ATG5: variants seen among roughly 807,000 people sequenced by gnomAD.
ATG5 encodes the protein autophagy protein 5.
In ATG5, 14 loss-of-function variants were observed where a neutral mutation model predicts 36.5. The observed-to-expected ratio is 0.38, with a 90% confidence interval of 0.25 to 0.60. The LOEUF (loss-of-function observed/expected upper bound fraction) is 0.60. ATG5 is among the 20% of genes least tolerant of loss of function. The pLI is 0.60. For synonymous variants in ATG5, 95 were observed against 101.5 expected (o/e 0.94, Z 0.38); for missense variants, 195 against 326.7 (o/e 0.60, Z 3.11).
intron 3 of ATG5, among the ~76,000 whole-genome samples, chr6:106,300,340 T>C (rs1770154272): frequency 6.6e-6 from 1 of 152,162 alleles, no homozygotes. Context: ...CAGAAGAATC[T>C]GTTAGCATTT....
chr6:106,193,969 TC>T (rs1776073897), intron 7 of ATG5, among the ~76,000 whole-genome samples: 1 of 152,208 alleles, frequency 6.6e-6, no homozygotes, highest in Non-Finnish European at 1.5e-5. Context: ...TTGGGAACAG[TC>T]AGGTTAATTC....
chr6:106,239,432 AT>A (rs1582594691), intron 6 of ATG5, among the ~76,000 whole-genome samples: 1 of 152,206 alleles, frequency 6.6e-6, no homozygotes, highest in African/African-American at 2.4e-5. Flanking sequence ...AATTTAATGT[AT>A]TTCCATCTCT....
intron 5 of ATG5, among the ~76,000 whole-genome samples, chr6:106,266,919 G>A (rs1224258392): frequency 6.6e-6 from 1 of 152,198 alleles, no homozygotes; most frequent in Non-Finnish European, 1.5e-5. Context: ...AAAGCTGGAA[G>A]CATTCCCTTT....
intron 1 of ATG5, among the ~76,000 whole-genome samples, chr6:106,324,411 G>A (rs536579053): frequency 2.5e-4 from 38 of 152,284 alleles, no homozygotes; most frequent in African/African-American, 7.7e-4. Flanking sequence ...GGTATCCAAG[G>A]GAGGTCCTGG....
At chr6:106,302,105 TA>T (rs1283187447) in intron 3 of ATG5, among the ~76,000 whole-genome samples, 3 of 151,868 alleles carry the variant, frequency 2.0e-5, no homozygotes, top group Non-Finnish European at 4.4e-5. Flanking sequence ...CACTTTGGGC[TA>T]AAAAGAACCA....
intron 6 of ATG5, among the ~76,000 whole-genome samples, chr6:106,246,772 T>C (rs1409499383): frequency 1.3e-5 from 2 of 152,236 alleles, no homozygotes; most frequent in Non-Finnish European, 2.9e-5. Flanking sequence ...AACTAAATTA[T>C]ACAAGTAAGA....
chr6:106,247,059 T>C (rs1778370089), intron 6 of ATG5, among the ~76,000 whole-genome samples: 1 of 152,196 alleles, frequency 6.6e-6, no homozygotes, highest in African/African-American at 2.4e-5. Flanking sequence ...TTACTTTCAA[T>C]TAGACAATTT....
At chr6:106,219,227 C>T (rs1447607103) in intron 6 of ATG5, among the ~76,000 whole-genome samples, 4 of 152,108 alleles carry the variant, frequency 2.6e-5, no homozygotes, top group Non-Finnish European at 5.9e-5. Flanking sequence ...GCTCTGAAAA[C>T]AAGCTGTTTC....
chr6:106,247,468 C>CA (rs1778386309), intron 6 of ATG5, among the ~76,000 whole-genome samples: 1 of 152,176 alleles, frequency 6.6e-6, no homozygotes, highest in South Asian at 2.1e-4. Flanking sequence ...ACTGAAGACT[C>CA]ACCATCCAAA....
At chr6:106,314,208 C>A (rs903752219) in intron 2 of ATG5, among the ~76,000 whole-genome samples, 1 of 152,186 alleles carries the variant, frequency 6.6e-6, no homozygotes, top group Non-Finnish European at 1.5e-5. Context: ...ATACTGTATT[C>A]TTTACATGAA....
At position 106,186,683 on chromosome 6, in the gene ATG5, C is replaced by A; in HGVS notation, c.692-7G>T. ...TGATTCTTTTTTTCCCCATCTATTC[C>A]AAGAAAGAAACCCAACAACAATAAA... On this transcript the variant is annotated splice_region_variant and splice_polypyrimidine_tract_variant and intron_variant, in intron 7 of 7. Transcript: ENST00000369076. 3 of 1,612,464 alleles carry A rather than the reference C, an allele frequency of 1.9e-6. No homozygotes were observed. The South Asian group carries it at 3.3e-5, about 18-fold the overall frequency.
intron 3 of ATG5, among the ~76,000 whole-genome samples, chr6:106,302,862 A>G (rs894325844): frequency 2.0e-5 from 3 of 152,062 alleles, no homozygotes; most frequent in African/African-American, 7.2e-5. Flanking sequence ...AAAACAGAAC[A>G]TATCAAAATT....
At chr6:106,208,313 G>C (rs951481456) in intron 6 of ATG5, among the ~76,000 whole-genome samples, 1 of 141,340 alleles carries the variant, frequency 7.1e-6, no homozygotes, top group African/African-American at 2.5e-5. Context: ...TAGTTTCTGA[G>C]ATAATAAAAT....
intron 3 of ATG5, among the ~76,000 whole-genome samples, chr6:106,303,231 T>A (rs1198781339): frequency 6.6e-6 from 1 of 151,800 alleles, no homozygotes; most frequent in African/African-American, 2.4e-5. Context: ...CTGACAAAAA[T>A]GAAGACAACA....
intron 6 of ATG5, among the ~76,000 whole-genome samples, chr6:106,228,192 A>ATT (rs1777520730): frequency 6.6e-6 from 1 of 152,070 alleles, no homozygotes; most frequent in African/African-American, 2.4e-5. Context: ...TCACTCTATT[A>ATT]AATCTTGCAA....
chr6:106,245,770 T>C (rs1399707044), intron 6 of ATG5, among the ~76,000 whole-genome samples: 2 of 152,178 alleles, frequency 1.3e-5, no homozygotes, highest in Non-Finnish European at 2.9e-5. Flanking sequence ...GGCTCAAATA[T>C]TATAGAGATT....
chr6:106,305,747 G>A (rs78416257), intron 3 of ATG5, among the ~76,000 whole-genome samples: 3,177 of 152,318 alleles, frequency 0.021, 98 homozygotes, highest in African/African-American at 0.073. Flanking sequence ...TTCCTCCACT[G>A]ATGGAAATTC....
chr6:106,248,955 A>T (rs1778457612), intron 5 of ATG5, among the ~76,000 whole-genome samples: 1 of 152,208 alleles, frequency 6.6e-6, no homozygotes, highest in African/African-American at 2.4e-5. Context: ...AAAAATAAAA[A>T]TAAAGTCAAA....
chr6:106,228,953 C>T (rs954476141), intron 6 of ATG5, among the ~76,000 whole-genome samples: 1 of 152,210 alleles, frequency 6.6e-6, no homozygotes, highest in Non-Finnish European at 1.5e-5. Context: ...GCTGTCGTCC[C>T]GAACTCCCGG....
Sources: gnomAD v4.1 joint callset for allele counts (sites outside exome capture counted in the v4.1 genomes callset) on GRCh38, gnomAD v4.1.1 for gene constraint, MANE v1.5 for transcripts, NCBI Gene and HGNC (gene_info 2026-07-23, HGNC 2026-07-21) for gene names.